Variants in PLG observed in about 807,000 individuals in gnomAD.
PLG encodes the protein plasminogen, also known as plasmin.
A neutral mutation model predicts 104.4 loss-of-function variants in PLG; 41 were observed. The ratio of observed to expected loss-of-function variants is 0.39; its 90% CI spans 0.31 to 0.51. PLG has a LOEUF of 0.51. PLG is among the 20% of genes least tolerant of loss of function. PLG has a pLI of 0.76. For missense variants in PLG, 891 were observed against 1,003.6 expected, an observed-to-expected ratio of 0.89 and a Z score of 1.52; for synonymous variants, 337 against 357.1, an observed-to-expected ratio of 0.94 and a Z score of 0.63.
In PLG at chr6:160,732,767, G is replaced by C. The variant is rs572726373; in HGVS notation, c.1587+874G>C. ...GAACAGCCAGACAGAAGAGATGCACGGGGCAAGGCATGTGAGAAGGGGCTC... is the reference window on the plus strand; with the variant it reads ...GAACAGCCAGACAGAAGAGATGCACCGGGCAAGGCATGTGAGAAGGGGCTC... On this transcript the variant is annotated intron_variant, in intron 12 of 18. Transcript: ENST00000308192. This position sits in a 1 kb window ranked among gnomAD's most constrained non-coding sequence, Gnocchi z 4.5. Among the ~76,000 whole-genome samples the C allele has an allele frequency of 3.3e-5, 5 of 152,256 alleles. No homozygotes were observed. Among genetic ancestry groups the C allele is most frequent in the African/African-American group, 1.2e-4 (5 of 41,550 alleles).
intron 5 of PLG, 82 bp from the exon 6 acceptor site, chr6:160,714,712 G>A (rs1339410522): frequency 1.4e-6 from 2 of 1,383,256 alleles, no homozygotes; most frequent in Non-Finnish European, 2.1e-6. Flanking sequence ...AAGTGAGTAG[G>A]ATTCTGGTTT....
At position 160,732,279 on chromosome 6, in the gene PLG, G is replaced by C. The variant is rs1055268000; in HGVS notation, c.1587+386G>C. Reference sequence around the variant, plus strand: ...GAGAAAAAATTTGGATGGGCCATCAGGTCACCATGGGACTTCCCTTAGCCT... The same window carrying C: ...GAGAAAAAATTTGGATGGGCCATCACGTCACCATGGGACTTCCCTTAGCCT... On this transcript the variant is annotated intron_variant, in intron 12 of 18. Coordinates refer to ENST00000308192, the MANE Select transcript of PLG (RefSeq NM_000301.5). This position sits in a 1 kb window ranked among gnomAD's most constrained non-coding sequence, Gnocchi z 4.5. 3.3e-5 allele frequency among the ~76,000 whole-genome samples: 5 copies of C among 152,152 alleles called. No individual in the cohort carries two copies. The highest frequency in any genetic ancestry group is 9.7e-5 in the African/African-American group (4 of 41,438).
chr6:160,731,672 C>A lies in PLG; in HGVS notation c.1439-73C>A, dbSNP rs1487572404. On this transcript the variant is annotated intron_variant, in intron 11 of 18. Transcript: ENST00000308192. This position sits in a 1 kb window ranked among gnomAD's most constrained non-coding sequence, Gnocchi z 5.1. ...ATTCTGTCATCCTAGAGAAACCTGACATGACTGTATTGATTCCATATCATC... is the reference window on the plus strand; with the variant it reads ...ATTCTGTCATCCTAGAGAAACCTGAAATGACTGTATTGATTCCATATCATC... 1 of 1,433,552 alleles carries A rather than the reference C, an allele frequency of 7.0e-7. No homozygotes were observed. Among genetic ancestry groups the A allele is most frequent in the Non-Finnish European group, 9.8e-7 (1 of 1,015,886 alleles). 88.8% of individuals were successfully genotyped at this position (1,433,552 alleles called of 1,614,324 possible). A position where few individuals can be genotyped will look rare whatever the true frequency, so the allele number is the denominator to read the frequency against.
intron 3 of PLG, among the ~76,000 whole-genome samples, chr6:160,710,333 T>G (rs1213747287): frequency 2.0e-5 from 3 of 152,080 alleles, no homozygotes; most frequent in Non-Finnish European, 4.4e-5. Flanking sequence ...AATATAAATG[T>G]AAGAAAGTTG....
chr6:160,752,764 T>G lies in PLG; in HGVS notation c.2272-136T>G. On this transcript the variant is annotated intron_variant, in intron 18 of 18. Transcript: ENST00000308192. The surrounding 1 kb of genome is among the most constrained non-coding windows in gnomAD (Gnocchi z 4.7). ...TAAGTACTTAAGCACTGCAGATGCT[T>G]GAGTAATATGCTCATAAGTTCCTTT... is the stretch of plus-strand genomic sequence containing the variant. 9.2e-7 allele frequency: 1 copy of G among 1,089,006 alleles called. No individual in the cohort carries two copies. Among genetic ancestry groups the G allele is most frequent in the South Asian group, 1.3e-5 (1 of 75,822 alleles). 67.5% of individuals were successfully genotyped at this position (1,089,006 alleles called of 1,614,324 possible). A position where few individuals can be genotyped will look rare whatever the true frequency, so the allele number is the denominator to read the frequency against.
rs1046765637 is a variant in PLG at position 160,752,699 on chromosome 6, G to A, written c.2272-201G>A. The stretch of plus-strand genomic sequence containing the variant: ...TCACAAAAGATCTTTTCTACCCCCC[G>A]GAAAAACTAAGTGGTGTGGTTTCGC... On this transcript the variant is annotated intron_variant, in intron 18 of 18. Transcript: ENST00000308192. This position sits in a 1 kb window ranked among gnomAD's most constrained non-coding sequence, Gnocchi z 4.7. Among the ~76,000 whole-genome samples the A allele has an allele frequency of 3.9e-5, 6 of 152,226 alleles. No homozygotes were observed. The highest frequency in any genetic ancestry group is 1.9e-4 in the East Asian group (1 of 5,190).
Position 160,723,225 on chromosome 6 carries a change from A to C in PLG, c.1256+658A>C, listed in dbSNP as rs1449546718. Among the ~76,000 whole-genome samples the C allele has an allele frequency of 2.0e-5, 3 of 148,152 alleles. No homozygotes were observed. The highest frequency in any genetic ancestry group is 4.4e-5 in the Non-Finnish European group (3 of 67,894). ...ATAAACACAGTGGATCCTGAGCACC[A>C]GTGGCCTGAAAGGATATGGGTTGCT... On this transcript the variant is annotated intron_variant, in intron 10 of 18. Transcript: ENST00000308192. This position sits in a 1 kb window ranked among gnomAD's most constrained non-coding sequence, Gnocchi z 4.7.
At chr6:160,708,063 A>T (rs1048786851) in intron 3 of PLG, 6 of 376,916 alleles carry the variant, frequency 1.6e-5, no homozygotes, top group African/African-American at 1.2e-4. Flanking sequence ...TACCTCTATG[A>T]CCCTGAAAAT....
In PLG at chr6:160,714,794, A is replaced by G. The variant is rs768381731; in HGVS notation, c.548A>G (p.Glu183Gly). Reference protein sequence around the residue: ...YDYCDILECEEECMHCSGENY... With the variant: ...YDYCDILECEGECMHCSGENY... ...TGTCCTTCCTTCCCACTCTGTCCAG[A>G]GGAATGTATGCATTGCAGTGGAGAA... The change falls in exon 6 of 19, where the codon GAG (glutamate) becomes GGG (glycine). Residue 183 changes from glutamate (E) to glycine (G), a missense_variant and splice_region_variant. Transcript: ENST00000308192. 6.2e-6 allele frequency: 10 copies of G among 1,613,762 alleles called. No homozygotes were observed. Among genetic ancestry groups the G allele is most frequent in the Non-Finnish European group, 8.5e-6 (10 of 1,179,730 alleles).
rs1184555467 is a variant in PLG, at chr6:160,732,630, A to C, written c.1587+737A>C. Among the ~76,000 whole-genome samples the C allele has an allele frequency of 6.6e-6, 1 of 152,216 alleles. No homozygotes were observed. The highest frequency in any genetic ancestry group is 1.5e-5 in the Non-Finnish European group (1 of 68,034). On this transcript the variant is annotated intron_variant, in intron 12 of 18. Transcript: ENST00000308192. This position sits in a 1 kb window ranked among gnomAD's most constrained non-coding sequence, Gnocchi z 4.5. ...GACCTGTACTTCTGCCCAACTGGACAAAAATCTGTTTTTCTACTTGATTAC... is the reference window on the plus strand; with the variant it reads ...GACCTGTACTTCTGCCCAACTGGACCAAAATCTGTTTTTCTACTTGATTAC...
In PLG at chr6:160,747,821, T is replaced by C. The variant is rs1324617789; in HGVS notation, c.2126-4294T>C. Among the ~76,000 whole-genome samples the C allele has an allele frequency of 3.3e-5, 5 of 152,220 alleles. No homozygotes were observed. The East Asian group carries it at 5.8e-4, about 18-fold the overall frequency. On this transcript the variant is annotated intron_variant, in intron 17 of 18. Coordinates refer to ENST00000308192, the MANE Select transcript of PLG (RefSeq NM_000301.5). ...AACCTTGGCAAAGGAGGAACACCTATGGGTGTGCCAGGCTGCTCCCAGTGT... is the reference window on the plus strand; with the variant it reads ...AACCTTGGCAAAGGAGGAACACCTACGGGTGTGCCAGGCTGCTCCCAGTGT...
rs564466925 is a variant in PLG, at chr6:160,731,624, G to A, written c.1439-121G>A. On this transcript the variant is annotated intron_variant, in intron 11 of 18. Coordinates refer to ENST00000308192, the MANE Select transcript of PLG (RefSeq NM_000301.5). The surrounding 1 kb of genome is among the most constrained non-coding windows in gnomAD (Gnocchi z 5.1). ...GTTCATTGCAGTCTTCAGCATTGCA[G>A]TTTCTGAGGAATGTGGCCCCTGATT... The A allele has an allele frequency of 3.2e-6, 3 of 946,790 alleles. No individual in the cohort carries two copies. The highest frequency in any genetic ancestry group is 2.4e-5 in the East Asian group (1 of 41,518). 58.6% of individuals were successfully genotyped at this position (946,790 alleles called of 1,614,324 possible).
intron 17 of PLG, among the ~76,000 whole-genome samples, chr6:160,749,222 G>A (rs1778352971): frequency 6.6e-6 from 1 of 152,040 alleles, no homozygotes; most frequent in Non-Finnish European, 1.5e-5. Flanking sequence ...CAACATATAA[G>A]GTCATTGTGA....
chr6:160,749,621 C>A (rs1470780735), intron 17 of PLG, among the ~76,000 whole-genome samples: 1 of 151,414 alleles, frequency 6.6e-6, no homozygotes, highest in African/African-American at 2.4e-5. Flanking sequence ...CCATTATCAC[C>A]ACCACCATCA....
At position 160,713,026 on chromosome 6, in the gene PLG, A is replaced by T. The variant is rs780520011; in HGVS notation, c.448A>T (p.Asn150Tyr). Residue 150 changes from asparagine (N) to tyrosine (Y), a missense_variant, in exon 5 of 19, where the codon AAC becomes TAC. Asn to Tyr is a moderately radical substitution (Grantham distance 143). Coordinates refer to ENST00000308192, the MANE Select transcript of PLG (RefSeq NM_000301.5). ...ATHPSEGLEE[N>Y]YCRNPDNDPQ... ...ACACCCCTCAGAGGGACTGGAGGAG[A>T]ACTACTGCAGGAATCCAGACAACGA... 1 of 1,609,578 alleles carries T rather than the reference A, an allele frequency of 6.2e-7. No homozygotes were observed. Among genetic ancestry groups the T allele is most frequent in the South Asian group, 1.1e-5 (1 of 90,938 alleles).
chr6:160,737,592 A>G lies in PLG; in HGVS notation c.1802+585A>G, dbSNP rs1276227002. 6.6e-6 allele frequency among the ~76,000 whole-genome samples: 1 copy of G among 152,244 alleles called. No individual in the cohort carries two copies. The highest frequency in any genetic ancestry group is 1.9e-4 in the East Asian group (1 of 5,192). Reference sequence around the variant, plus strand: ...ACATTTTGGGTATTGTTTCAGTGGAACATGCCTTTCATAAGTTCCATTTTC... The same window carrying G: ...ACATTTTGGGTATTGTTTCAGTGGAGCATGCCTTTCATAAGTTCCATTTTC... On this transcript the variant is annotated intron_variant, in intron 14 of 18. Transcript: ENST00000308192. The surrounding 1 kb of genome is among the most constrained non-coding windows in gnomAD (Gnocchi z 4.7).
At position 160,726,303 on chromosome 6, in the gene PLG, C is replaced by A. The variant is rs911339831; in HGVS notation, c.1256+3736C>A. Among the ~76,000 whole-genome samples the A allele has an allele frequency of 1.3e-5, 2 of 151,838 alleles. No individual in the cohort carries two copies. Among genetic ancestry groups the A allele is most frequent in the Admixed American group, 6.6e-5 (1 of 15,222 alleles). On this transcript the variant is annotated intron_variant, in intron 10 of 18. Transcript: ENST00000308192. The surrounding 1 kb of genome is among the most constrained non-coding windows in gnomAD (Gnocchi z 4.4). ...AATAACAAAAAAATTGGGAAATTAT[C>A]AAATATCTGAAAATGAAACAACACA...
chr6:160,721,840 A>C (rs1777834611), intron 9 of PLG, among the ~76,000 whole-genome samples: 1 of 152,136 alleles, frequency 6.6e-6, no homozygotes, highest in Non-Finnish European at 1.5e-5. Flanking sequence ...GCTTCATTGC[A>C]ATGCAGGATG....
chr6:160,721,362 C>T (rs1435942248), intron 9 of PLG, among the ~76,000 whole-genome samples: 1 of 152,192 alleles, frequency 6.6e-6, no homozygotes. Context: ...TTGAAATGGA[C>T]ACCCTTGTCT....
Sources: gnomAD v4.1 joint callset for allele counts (sites outside exome capture counted in the v4.1 genomes callset) on GRCh38, gnomAD v4.1.1 for gene constraint, Gnocchi (gnomAD v3.1) non-coding constraint, MANE v1.5 for transcripts, NCBI Gene and HGNC (gene_info 2026-07-23, HGNC 2026-07-21) for gene names.